The following ST3GAL1 variants were observed in gnomAD, a reference collection of about 807,000 sequenced individuals.
ST3GAL1 encodes the protein ST3 beta-galactoside alpha-2,3-sialyltransferase 1, also known as CMP-N-acetylneuraminate-beta-galactosamide-alpha-2,3-sialyltransferase 1.
ST3GAL1 carries 16 observed loss-of-function variants against 34.1 expected under a neutral mutation model. The observed-to-expected ratio is 0.47, with a 90% CI of 0.32 to 0.71. ST3GAL1 has a LOEUF of 0.71. Among genes scored for constraint, ST3GAL1 ranks in the 30% least tolerant of loss-of-function variants. The probability of loss-of-function intolerance (pLI) is 0.04; values close to 1 mark genes in which losing one functional copy is unlikely to be tolerated. For synonymous variants in ST3GAL1, 191 were observed against 184.7 expected (o/e 1.03, Z -0.28); for missense variants, 353 against 447.4 (o/e 0.79, Z 1.90).
Position 133,548,381 on chromosome 8 carries a change from A to T in ST3GAL1, c.-581-2455T>A, listed in dbSNP as rs146447116. 3.4e-3 allele frequency among the ~76,000 whole-genome samples: 524 copies of T among 152,240 alleles called. 6 individuals carry two copies. Among genetic ancestry groups the T allele is most frequent in the African/African-American group, 0.012 (501 of 41,548 alleles). ...AGTGTAAACACCACTTCACAGAGAC[A>T]TCTTCGCTGACTCTGGGGACAAGGC... is the stretch of plus-strand genomic sequence containing the variant. On this transcript the variant is annotated intron_variant, in intron 1 of 9. Coordinates refer to ENST00000522652, the MANE Select transcript of ST3GAL1 (RefSeq NM_173344.3).
chr8:133,551,613 A>G (rs1371963627), intron 1 of ST3GAL1, among the ~76,000 whole-genome samples: 7 of 136,108 alleles, frequency 5.1e-5, no homozygotes, highest in African/African-American at 8.1e-5. Context: ...AAAGAAAGAA[A>G]GAAAGAGCGA....
chr8:133,551,464 AAGAG>A (rs371940007), intron 1 of ST3GAL1, among the ~76,000 whole-genome samples: 12 of 150,700 alleles, frequency 8.0e-5, no homozygotes, highest in African/African-American at 2.2e-4. Context: ...GAGGAAAAGA[AAGAG>A]AGAGAGAGAG....
chr8:133,504,185 G>C (rs1817266043), intron 2 of ST3GAL1, among the ~76,000 whole-genome samples: 1 of 152,176 alleles, frequency 6.6e-6, no homozygotes, highest in South Asian at 2.1e-4. Flanking sequence ...AGAAACTAAG[G>C]CCTGGAAAAG....
chr8:133,499,702 T>C (rs924511645), intron 2 of ST3GAL1, among the ~76,000 whole-genome samples: 1 of 152,158 alleles, frequency 6.6e-6, no homozygotes, highest in Non-Finnish European at 1.5e-5. Flanking sequence ...TTTAGCCTCA[T>C]GACAGTCCCT....
intron 1 of ST3GAL1, among the ~76,000 whole-genome samples, chr8:133,551,720 CA>C (rs1818871633): frequency 6.6e-6 from 1 of 152,152 alleles, no homozygotes; most frequent in Non-Finnish European, 1.5e-5. Flanking sequence ...TAAGTGAATA[CA>C]AAACAACATG....
At chr8:133,554,297 C>T (rs567258638) in intron 1 of ST3GAL1, among the ~76,000 whole-genome samples, 3 of 152,306 alleles carry the variant, frequency 2.0e-5, no homozygotes, top group Admixed American at 6.5e-5. Flanking sequence ...TGCTGCTCTC[C>T]GGCTGCCCCA....
intron 3 of ST3GAL1, among the ~76,000 whole-genome samples, chr8:133,482,841 C>T (rs541199843): frequency 5.3e-5 from 8 of 152,206 alleles, no homozygotes; most frequent in East Asian, 3.9e-4. Flanking sequence ...GGTCACTGGA[C>T]GCTTGGAACC....
chr8:133,569,329 G>T (rs938658566), intron 1 of ST3GAL1, among the ~76,000 whole-genome samples: 2 of 152,208 alleles, frequency 1.3e-5, no homozygotes, highest in African/African-American at 4.8e-5. Flanking sequence ...GTGTACGATG[G>T]AACTTTTTTC....
chr8:133,544,583 C>T (rs1818624914), intron 2 of ST3GAL1, among the ~76,000 whole-genome samples: 1 of 152,170 alleles, frequency 6.6e-6, no homozygotes, highest in Admixed American at 6.5e-5. Context: ...CATATATCTA[C>T]CCCTTGGGAA....
At chr8:133,486,454 C>T (rs374689525) in intron 3 of ST3GAL1, among the ~76,000 whole-genome samples, 2 of 152,184 alleles carry the variant, frequency 1.3e-5, no homozygotes, top group Non-Finnish European at 2.9e-5. Context: ...CTCTCATGGC[C>T]GAGCCAGGCC....
At chr8:133,568,103 G>A (rs1040258798) in intron 1 of ST3GAL1, among the ~76,000 whole-genome samples, 7 of 152,028 alleles carry the variant, frequency 4.6e-5, no homozygotes, top group African/African-American at 1.4e-4. Flanking sequence ...TGTATTTTCA[G>A]TAGAGGCAGG....
At chr8:133,551,285 T>C (rs532495040) in intron 1 of ST3GAL1, among the ~76,000 whole-genome samples, 221 of 152,082 alleles carry the variant, frequency 1.5e-3, no homozygotes, top group Non-Finnish European at 9.7e-4. Flanking sequence ...CTGGCCAACA[T>C]GGTGAAGCCC....
intron 2 of ST3GAL1, among the ~76,000 whole-genome samples, chr8:133,522,643 C>T (rs1817847078): frequency 6.6e-6 from 1 of 152,200 alleles, no homozygotes; most frequent in Non-Finnish European, 1.5e-5. Flanking sequence ...CCAGCAGAGT[C>T]ACCTGGTGGC....
chr8:133,547,934 G>A (rs1358844842), intron 1 of ST3GAL1, among the ~76,000 whole-genome samples: 1 of 152,182 alleles, frequency 6.6e-6, no homozygotes, highest in Non-Finnish European at 1.5e-5. Context: ...CTCTTTTAGA[G>A]GGAGAGACAA....
chr8:133,525,844 C>T (rs564483453), intron 2 of ST3GAL1, among the ~76,000 whole-genome samples: 21 of 152,216 alleles, frequency 1.4e-4, no homozygotes, highest in African/African-American at 3.6e-4. Flanking sequence ...TGCCAGGGAG[C>T]GGGAGCAGGC....
At chr8:133,488,187 T>A (rs547992423) in intron 3 of ST3GAL1, 1 of 152,356 alleles carries the variant, frequency 6.6e-6, no homozygotes, top group South Asian at 2.1e-4. Flanking sequence ...AATTCAAGGC[T>A]GCAATGAGCT....
chr8:133,558,874 T>C (rs1819134941), intron 1 of ST3GAL1, among the ~76,000 whole-genome samples: 1 of 152,184 alleles, frequency 6.6e-6, no homozygotes, highest in African/African-American at 2.4e-5. Context: ...ATGAGAAGAA[T>C]ACGGATTCCC....
intron 2 of ST3GAL1, 100 bp from the exon 3 acceptor site, chr8:133,499,289 T>A (rs1563715596): frequency 6.6e-6 from 1 of 152,124 alleles, no homozygotes; most frequent in Non-Finnish European, 1.5e-5. Flanking sequence ...ATATACACAG[T>A]AAATGTTAAG....
At chr8:133,540,436 C>T (rs1818432262) in intron 2 of ST3GAL1, among the ~76,000 whole-genome samples, 1 of 152,086 alleles carries the variant, frequency 6.6e-6, no homozygotes, top group African/African-American at 2.4e-5. Flanking sequence ...GGAGTGTCCA[C>T]CCATGTGACA....
Sources: gnomAD v4.1 joint callset for allele counts (sites outside exome capture counted in the v4.1 genomes callset) on GRCh38, gnomAD v4.1.1 for gene constraint, MANE v1.5 for transcripts, NCBI Gene and HGNC (gene_info 2026-07-23, HGNC 2026-07-21) for gene names.